IFT122: variants seen among roughly 807,000 people sequenced by gnomAD.
The protein encoded by IFT122 is intraflagellar transport 122, also known as intraflagellar transport protein 122 homolog.
A neutral mutation model predicts 161.6 loss-of-function variants in IFT122; 118 were observed. The observed-to-expected ratio is 0.73, with a 90% confidence interval of 0.63 to 0.85. The LOEUF is 0.85. IFT122 is among the 40% of genes least tolerant of loss of function. The pLI, the probability that IFT122 is intolerant of heterozygous loss-of-function variation, is 0.00. For missense variants in IFT122, 1,381 were observed against 1,579.6 expected (o/e 0.87, Z 2.13); for synonymous variants, 550 against 602.4 (o/e 0.91, Z 1.27).
chr3:129,500,745 T>C (rs1341155261), intron 19 of IFT122, among the ~76,000 whole-genome samples: 1 of 151,928 alleles, frequency 6.6e-6, no homozygotes. Flanking sequence ...CGTGTGGGAA[T>C]GGGAGGGTGA....
At chr3:129,484,422 G>C (rs911069135) in intron 15 of IFT122, among the ~76,000 whole-genome samples, 4 of 152,232 alleles carry the variant, frequency 2.6e-5, no homozygotes, top group African/African-American at 9.6e-5. Context: ...TCTGCTTAGC[G>C]CTTTTCTACG....
chr3:129,520,181 C>G lies in IFT122; in HGVS notation c.3642C>G (p.Phe1214Leu), dbSNP rs751262275. The change falls in exon 30 of 30, where the codon TTC becomes TTG. Residue 1214 changes from phenylalanine to leucine, a missense_variant. Phe to Leu is a conservative substitution (Grantham distance 22). Around this residue, in one of 7 missense-constraint regions of IFT122, gnomAD observed 177 missense variants for 199.2 expected, o/e 0.89. Transcript: ENST00000348417. The part of the protein sequence containing the change: ...ITMCPSCFQM[F>L]HSEDYELLVL... ...TTACAGCTGTCTTCCCTTAGATGTTCCATTCTGAGGACTATGAGTTGCTGG... is the reference window on the plus strand; with the variant it reads ...TTACAGCTGTCTTCCCTTAGATGTTGCATTCTGAGGACTATGAGTTGCTGG... 9.3e-6 allele frequency: 15 copies of G among 1,610,922 alleles called. No individual in the cohort carries two copies. Among genetic ancestry groups the G allele is most frequent in the Non-Finnish European group, 1.3e-5 (15 of 1,179,078 alleles).
chr3:129,455,039 T>C (rs2075305843), intron 3 of IFT122, among the ~76,000 whole-genome samples: 1 of 152,210 alleles, frequency 6.6e-6, no homozygotes, highest in African/African-American at 2.4e-5. Context: ...ATGACACCTG[T>C]ATAATGATTA....
intron 6 of IFT122, 47 bp from the exon 7 acceptor site, chr3:129,464,588 T>TG: frequency 6.2e-7 from 1 of 1,613,352 alleles, no homozygotes; most frequent in South Asian, 1.1e-5. Context: ...TTACCTTCTG[T>TG]GGGGTGCTTC....
At position 129,480,005 on chromosome 3, in the gene IFT122, G is replaced by T. The variant is rs542207975; in HGVS notation, c.1488+83G>T. The T allele has an allele frequency of 3.2e-4, 497 of 1,548,908 alleles. 6 individuals carry two copies. The South Asian group carries it at 5.3e-3, about 17-fold the overall frequency. ...CCCGTCTAGCAATGACTCTGAGCTG[G>T]GTTCTCAGGGCAGGAAAAGGGCTTC... On this transcript the variant is annotated intron_variant, in intron 13 of 29. Transcript: ENST00000348417.
At chr3:129,515,355 G>C in intron 25 of IFT122, 133 bp from the exon 26 acceptor site, 1 of 746,992 alleles carries the variant, frequency 1.3e-6, no homozygotes, top group Non-Finnish European at 2.4e-6. Context: ...TGGGCCCGGC[G>C]CCCCTTCCCT....
chr3:129,493,298 C>G (rs2080377164), intron 17 of IFT122, among the ~76,000 whole-genome samples: 1 of 152,200 alleles, frequency 6.6e-6, no homozygotes, highest in South Asian at 2.1e-4. Context: ...ATTCATTTCC[C>G]CATAATAAAC....
intron 17 of IFT122, among the ~76,000 whole-genome samples, chr3:129,494,982 A>T (rs570768113): frequency 6.6e-6 from 1 of 152,178 alleles, no homozygotes; most frequent in Non-Finnish European, 1.5e-5. Flanking sequence ...AGAAGTAGGG[A>T]TATCGTAAGA....
chr3:129,502,900 C>G lies in IFT122; in HGVS notation c.2547+18C>G. ...GGGATGAGGTGAGGGGAAAGCAGGC[C>G]TCATGGGCTGGGGCCCCACCTGAGC... On this transcript the variant is annotated intron_variant, in intron 20 of 29. Coordinates refer to ENST00000348417, the MANE Select transcript of IFT122 (RefSeq NM_052989.3). 6.2e-7 allele frequency: 1 copy of G among 1,605,942 alleles called. No individual in the cohort carries two copies.
chr3:129,444,723 T>C (rs1203649678), intron 1 of IFT122, among the ~76,000 whole-genome samples: 4 of 152,160 alleles, frequency 2.6e-5, no homozygotes, highest in African/African-American at 9.7e-5. Flanking sequence ...AGTTTCACCA[T>C]GTTGGCCAGG....
At chr3:129,442,106 AC>A (rs1342614359) in intron 1 of IFT122, among the ~76,000 whole-genome samples, 3 of 152,162 alleles carry the variant, frequency 2.0e-5, no homozygotes, top group Non-Finnish European at 4.4e-5. Flanking sequence ...TGAAAAAAAA[AC>A]AAAACACCGT....
intron 19 of IFT122, among the ~76,000 whole-genome samples, chr3:129,500,852 C>T (rs1184925935): frequency 6.6e-6 from 1 of 152,144 alleles, no homozygotes; most frequent in Non-Finnish European, 1.5e-5. Flanking sequence ...AGTGAGTGAC[C>T]ACCTACAGTC....
chr3:129,507,399 G>A (rs371113865), intron 22 of IFT122, among the ~76,000 whole-genome samples: 5 of 152,316 alleles, frequency 3.3e-5, no homozygotes, highest in African/African-American at 9.6e-5. Flanking sequence ...AATCTGGGAG[G>A]GTGCAGTGAG....
chr3:129,502,227 T>G (rs1267184820), intron 19 of IFT122, among the ~76,000 whole-genome samples: 1 of 152,232 alleles, frequency 6.6e-6, no homozygotes, highest in Non-Finnish European at 1.5e-5. Flanking sequence ...GGTATTCTTA[T>G]GCCTTGGCAT....
intron 5 of IFT122, chr3:129,463,262 C>T (rs2108096502): frequency 9.0e-6 from 3 of 333,488 alleles, no homozygotes; most frequent in South Asian, 5.8e-5. Flanking sequence ...CAGCGTGACA[C>T]AGAACTAAGC....
chr3:129,492,575 G>A (rs1284535379), intron 17 of IFT122, among the ~76,000 whole-genome samples: 1 of 152,158 alleles, frequency 6.6e-6, no homozygotes, highest in Non-Finnish European at 1.5e-5. Flanking sequence ...TAATCTGATA[G>A]TGTTGGAGGA....
intron 23 of IFT122, among the ~76,000 whole-genome samples, chr3:129,509,904 AC>A (rs1253609881): frequency 6.6e-6 from 1 of 152,228 alleles, no homozygotes; most frequent in Non-Finnish European, 1.5e-5. Context: ...AATAGGGATA[AC>A]AGCACTATGT....
intron 12 of IFT122, 30 bp from the exon 13 acceptor site, chr3:129,479,755 T>A: frequency 6.2e-7 from 1 of 1,613,576 alleles, no homozygotes; most frequent in Non-Finnish European, 8.5e-7. Flanking sequence ...TTCTGTTGAA[T>A]TTCCATGCAG....
intron 19 of IFT122, among the ~76,000 whole-genome samples, chr3:129,501,666 GA>G (rs1450156499): frequency 3.9e-5 from 6 of 152,230 alleles, no homozygotes; most frequent in Admixed American, 3.9e-4. Context: ...AGTAATTCAA[GA>G]AACACATTAA....
Sources: gnomAD v4.1 joint callset for allele counts (sites outside exome capture counted in the v4.1 genomes callset) on GRCh38, gnomAD v4.1.1 for gene constraint, gnomAD v4.1.1 regional missense constraint, MANE v1.5 for transcripts, NCBI Gene and HGNC (gene_info 2026-07-23, HGNC 2026-07-21) for gene names.